The following DKK3 variants were observed in gnomAD, a reference collection of about 807,000 sequenced individuals.
The protein encoded by DKK3 is dickkopf-related protein 3.
A neutral mutation model predicts 33.2 loss-of-function variants in DKK3; 22 were observed. The observed-to-expected ratio is 0.66, with a 90% CI of 0.47 to 0.95. The LOEUF is 0.95. Among genes scored for constraint, DKK3 ranks in the 40% least tolerant of loss-of-function variants. The pLI, the probability that DKK3 is intolerant of heterozygous loss-of-function variation, is 0.00. For synonymous variants in DKK3, 194 were observed against 188.8 expected (o/e 1.03, Z -0.23); for missense variants, 398 against 458.4 (o/e 0.87, Z 1.20).
At chr11:12,004,154 CA>C (rs1590559152) in intron 1 of DKK3, among the ~76,000 whole-genome samples, 1 of 152,130 alleles carries the variant, frequency 6.6e-6, no homozygotes, top group East Asian at 1.9e-4. Context: ...GAGTCAGGTC[CA>C]AAAGTTTAAA....
chr11:11,995,472 C>A (rs1293141215), intron 3 of DKK3, among the ~76,000 whole-genome samples: 2 of 152,262 alleles, frequency 1.3e-5, no homozygotes, highest in East Asian at 3.9e-4. Context: ...TAGATACAAA[C>A]CAGCTCACTT....
Position 11,987,602 on chromosome 11 carries a change from C to CTAAT in DKK3, c.435+11093_435+11094insATTA, listed in dbSNP as rs1274502895. ...CTCTGCAATTGATTAGTAATGTCTGCCATGTGCCCGGAGGTGGGGTATGGC... is the reference window on the plus strand; with the variant it reads ...CTCTGCAATTGATTAGTAATGTCTGCTAATCATGTGCCCGGAGGTGGGGTATGGC... On this transcript the variant is annotated intron_variant, in intron 3 of 6. Coordinates refer to ENST00000683431, the MANE Select transcript of DKK3 (RefSeq NM_001018057.2). 2.0e-3 allele frequency among the ~76,000 whole-genome samples: 298 copies of CTAAT among 152,312 alleles called. 1 individual carries two copies. Among genetic ancestry groups the CTAAT allele is most frequent in the African/African-American group, 6.8e-3 (283 of 41,564 alleles).
intron 3 of DKK3, 179 bp downstream of exon 3, chr11:11,998,517 C>T: frequency 1.5e-6 from 1 of 675,196 alleles, no homozygotes; most frequent in Non-Finnish European, 2.7e-6. Flanking sequence ...GAGGCGTAAC[C>T]TATTACTGGA....
At chr11:11,977,552 T>C (rs1847859307) in intron 3 of DKK3, among the ~76,000 whole-genome samples, 1 of 152,158 alleles carries the variant, frequency 6.6e-6, no homozygotes, top group Non-Finnish European at 1.5e-5. Context: ...CCCACCTGGG[T>C]TGGCAGCCGT....
At position 12,008,274 on chromosome 11, in the gene DKK3, C is replaced by CCGAG; in HGVS notation, c.213+92_213+95dup. On this transcript the variant is annotated intron_variant, in intron 1 of 6. Coordinates refer to ENST00000683431, the MANE Select transcript of DKK3 (RefSeq NM_001018057.2). The surrounding 1 kb of genome is among the most constrained non-coding windows in gnomAD (Gnocchi z 4.6). The stretch of plus-strand genomic sequence containing the variant: ...GCCCTTCCCAGGCCCTGCGCGGGAC[C>CCGAG]CGAGGTCCCTGGCCAGCGCTCTTCC... 1 of 1,450,996 alleles carries CCGAG rather than the reference C, an allele frequency of 6.9e-7. No individual in the cohort carries two copies. Among genetic ancestry groups the CCGAG allele is most frequent in the South Asian group, 1.4e-5 (1 of 71,940 alleles). 89.9% of individuals were successfully genotyped at this position (1,450,996 alleles called of 1,614,324 possible).
At chr11:11,995,060 C>A (rs1848262855) in intron 3 of DKK3, among the ~76,000 whole-genome samples, 1 of 152,096 alleles carries the variant, frequency 6.6e-6, no homozygotes, top group Non-Finnish European at 1.5e-5. Flanking sequence ...GAAAATCCAT[C>A]CACCTGTGGC....
chr11:11,991,855 C>G (rs1030251820), intron 3 of DKK3, among the ~76,000 whole-genome samples: 1 of 152,160 alleles, frequency 6.6e-6, no homozygotes, highest in East Asian at 1.9e-4. Context: ...AACAGAGACC[C>G]GTAGAGAACT....
At chr11:11,992,062 G>A (rs893884191) in intron 3 of DKK3, among the ~76,000 whole-genome samples, 5 of 152,114 alleles carry the variant, frequency 3.3e-5, no homozygotes, top group Non-Finnish European at 7.3e-5. Flanking sequence ...AACGTAGCAG[G>A]TACTCAAGGA....
At chr11:11,997,173 C>T (rs185413189) in intron 3 of DKK3, among the ~76,000 whole-genome samples, 8 of 152,320 alleles carry the variant, frequency 5.3e-5, no homozygotes, top group African/African-American at 9.6e-5. Context: ...CTCACAGGCA[C>T]GGCTGCTGCC....
Position 11,971,706 on chromosome 11 carries a change from G to C in DKK3, c.436-3219C>G, listed in dbSNP as rs528397189. Among the ~76,000 whole-genome samples, 5 of 152,234 alleles carry C rather than the reference G, an allele frequency of 3.3e-5. No individual in the cohort carries two copies. In the East Asian group the frequency reaches 9.6e-4, roughly 29 times the overall value. On this transcript the variant is annotated intron_variant, in intron 3 of 6. Coordinates refer to ENST00000683431, the MANE Select transcript of DKK3 (RefSeq NM_001018057.2). ...CTAGCATCAATTCCTATAAGACCCTGCTGTTTACAATTATCCATCAAGACG... is the reference window on the plus strand; with the variant it reads ...CTAGCATCAATTCCTATAAGACCCTCCTGTTTACAATTATCCATCAAGACG...
intron 3 of DKK3, among the ~76,000 whole-genome samples, chr11:11,973,512 G>T (rs555730780): frequency 1.4e-3 from 216 of 152,274 alleles, no homozygotes; most frequent in African/African-American, 5.1e-3. Context: ...CTCCTCTCCA[G>T]TCCTGGCCAC....
chr11:11,995,495 T>G (rs2135087922), intron 3 of DKK3, among the ~76,000 whole-genome samples: 1 of 152,288 alleles, frequency 6.6e-6, no homozygotes, highest in East Asian at 1.9e-4. Flanking sequence ...TAACATCAAA[T>G]TCTAATGTGA....
At chr11:11,968,699 G>C (rs994104127) in intron 3 of DKK3, 2 of 493,390 alleles carry the variant, frequency 4.1e-6, no homozygotes, top group Non-Finnish European at 7.2e-6. Context: ...TGGCAGCCCA[G>C]AGCCTGGAGG....
intron 5 of DKK3, among the ~76,000 whole-genome samples, 154 bp from the exon 6 acceptor site, chr11:11,966,119 AT>A (rs1847588697): frequency 6.6e-6 from 1 of 151,960 alleles, no homozygotes; most frequent in Non-Finnish European, 1.5e-5. Context: ...GGAAACAAGA[AT>A]AGCAGCCTGG....
chr11:12,000,625 T>C (rs1848405757), intron 2 of DKK3, among the ~76,000 whole-genome samples: 1 of 151,968 alleles, frequency 6.6e-6, no homozygotes, highest in Admixed American at 6.6e-5. Context: ...CTACCTCAGT[T>C]TCCCAAGTCG....
At chr11:11,998,917 T>G in intron 2 of DKK3, 138 bp from the exon 3 acceptor site, 1 of 708,816 alleles carries the variant, frequency 1.4e-6, no homozygotes. Flanking sequence ...CCCGCTTTCT[T>G]TCTGAGTTCC....
chr11:11,968,455 G>T lies in DKK3; in HGVS notation c.468C>A (p.Ser156Arg), dbSNP rs769119799. 32 of 1,613,360 alleles carry T rather than the reference G, an allele frequency of 2.0e-5. No individual in the cohort carries two copies. The highest frequency in any genetic ancestry group is 2.2e-5 in the Non-Finnish European group (26 of 1,179,696). Residue 156 changes from serine (S) to arginine (R), a missense_variant, in exon 4 of 7, where the codon AGC becomes AGA. By Grantham distance (110) the Ser-to-Arg change is moderately radical. Coordinates refer to ENST00000683431, the MANE Select transcript of DKK3 (RefSeq NM_001018057.2). Reference protein sequence around the residue: ...ECIIDEDCGPSMYCQFASFQY... With the variant: ...ECIIDEDCGPRMYCQFASFQY... The stretch of plus-strand genomic sequence containing the variant: ...GGAAGCTGGCAAACTGGCAGTACAT[G>T]CTGGGCCCACAGTCCTCGTCGATGA...
At chr11:11,965,227 A>T (rs1334315168) in intron 6 of DKK3, among the ~76,000 whole-genome samples, 1 of 152,198 alleles carries the variant, frequency 6.6e-6, no homozygotes, top group Admixed American at 6.5e-5. Flanking sequence ...AAGCTCTGGG[A>T]TTACAGGTGT....
chr11:12,009,581 C>T, upstream of DKK3: 1 of 986,030 alleles, frequency 1.0e-6, no homozygotes, highest in Non-Finnish European at 1.2e-6. Flanking sequence ...TCTCTGGCCT[C>T]CAGGCTTGCA....
Sources: allele counts gnomAD v4.1 joint callset (sites outside exome capture counted in the v4.1 genomes callset), GRCh38; gene constraint gnomAD v4.1.1; non-coding constraint Gnocchi (gnomAD v3.1); transcripts MANE v1.5; gene names NCBI Gene and HGNC (gene_info 2026-07-23, HGNC 2026-07-21).